Variants in SNX29 observed in about 807,000 individuals in gnomAD.
SNX29 encodes sorting nexin 29, also known as sorting nexin-29.
SNX29 carries 78 observed loss-of-function variants against 102.1 expected under a neutral mutation model. The ratio of observed to expected loss-of-function variants is 0.76; its 90% CI spans 0.64 to 0.92. The LOEUF is 0.92. SNX29 is among the 40% of genes least tolerant of loss of function. SNX29 has a pLI of 0.00. For missense variants in SNX29, 1,280 were observed against 1,061.7 expected (o/e 1.21, Z -2.86); for synonymous variants, 580 against 414.5 (o/e 1.40, Z -4.85).
intron 13 of SNX29, among the ~76,000 whole-genome samples, chr16:12,155,598 G>A (rs761830417): frequency 3.3e-5 from 5 of 152,148 alleles, no homozygotes; most frequent in Admixed American, 6.5e-5. Context: ...ATGAGAGGCC[G>A]CTTTTCTATG....
At chr16:12,233,484 A>T (rs2077832288) in intron 14 of SNX29, among the ~76,000 whole-genome samples, 1 of 152,192 alleles carries the variant, frequency 6.6e-6, no homozygotes, top group African/African-American at 2.4e-5. Flanking sequence ...CCAGTTGGAT[A>T]CTATGCTTAC....
At chr16:12,540,156 A>G (rs576378266) in intron 20 of SNX29, among the ~76,000 whole-genome samples, 1 of 152,298 alleles carries the variant, frequency 6.6e-6, no homozygotes, top group Non-Finnish European at 1.5e-5. Flanking sequence ...TTTACATTTT[A>G]GATCTGCGAT....
chr16:12,181,189 C>G (rs1332149386), intron 13 of SNX29, among the ~76,000 whole-genome samples: 1 of 152,184 alleles, frequency 6.6e-6, no homozygotes, highest in Non-Finnish European at 1.5e-5. Flanking sequence ...CCCCGAATAT[C>G]TGAGACAGGC....
intron 13 of SNX29, among the ~76,000 whole-genome samples, chr16:12,198,020 G>C (rs1389911860): frequency 6.6e-6 from 1 of 152,184 alleles, no homozygotes; most frequent in African/African-American, 2.4e-5. Flanking sequence ...ATCTATAGTA[G>C]TGGGTGGTAT....
At chr16:12,314,608 A>G (rs997063526) in intron 15 of SNX29, among the ~76,000 whole-genome samples, 2 of 152,252 alleles carry the variant, frequency 1.3e-5, no homozygotes, top group Non-Finnish European at 2.9e-5. Flanking sequence ...ATACCACTTA[A>G]GTCTTTATTT....
intron 15 of SNX29, among the ~76,000 whole-genome samples, chr16:12,287,898 T>G (rs571912181): frequency 6.6e-6 from 1 of 152,302 alleles, no homozygotes; most frequent in South Asian, 2.1e-4. Context: ...CCTACCAGTG[T>G]TTTTTGAGGG....
intron 19 of SNX29, among the ~76,000 whole-genome samples, chr16:12,508,659 G>A (rs1335825489): frequency 6.6e-6 from 1 of 152,192 alleles, no homozygotes; most frequent in South Asian, 2.1e-4. Flanking sequence ...CAACGTTCCT[G>A]GTGCCCTCTG....
intron 16 of SNX29, among the ~76,000 whole-genome samples, chr16:12,377,633 G>T (rs1430389051): frequency 2.6e-5 from 4 of 152,180 alleles, no homozygotes; most frequent in African/African-American, 9.7e-5. Context: ...CGCCCGGTAC[G>T]TAGTAGGCAA....
rs71139578 is a variant in SNX29 at position 12,130,474 on chromosome 16, C to CAAA, written c.1595+738_1595+740dup. On this transcript the variant is annotated intron_variant, in intron 13 of 20. Coordinates refer to ENST00000566228, the MANE Select transcript of SNX29 (RefSeq NM_032167.5). ...TGGGCGACAGAGCGAGACTCCGTCT[C>CAAA]AAAAAAAAAAAAAAAAAAAAAAAAG... Among the ~76,000 whole-genome samples the CAAA allele has an allele frequency of 6.8e-3, 378 of 55,720 alleles. 21 individuals are homozygous for CAAA. Among genetic ancestry groups the CAAA allele is most frequent in the Admixed American group, 0.034 (138 of 4,088 alleles). 36.6% of individuals were successfully genotyped at this position (55,720 alleles called of 152,430 possible).
chr16:12,315,470 A>G (rs2080702433), intron 15 of SNX29, among the ~76,000 whole-genome samples: 1 of 152,182 alleles, frequency 6.6e-6, no homozygotes, highest in Non-Finnish European at 1.5e-5. Flanking sequence ...TGTTGCCCCC[A>G]TCATTTACAT....
At chr16:12,478,032 G>A (rs1295362884) in intron 19 of SNX29, among the ~76,000 whole-genome samples, 173 bp downstream of exon 19, 5 of 152,224 alleles carry the variant, frequency 3.3e-5, no homozygotes, top group Non-Finnish European at 5.9e-5. Flanking sequence ...ACCTAAAGAT[G>A]GTCACCATTA....
rs1167202343 is a variant in SNX29, at chr16:12,568,512, C to A, written c.2325C>A (p.Ile775=). The A allele has an allele frequency of 6.2e-7, 1 of 1,609,892 alleles. No individual in the cohort carries two copies. The highest frequency in any genetic ancestry group is 1.1e-5 in the South Asian group (1 of 91,080). Residue 775 remains isoleucine (I), a synonymous_variant, in exon 21 of 21, where the codon ATC becomes ATA. Transcript: ENST00000566228. ...TCTCTCCCTGCTCTTTCAGCGACAT[C>A]ACCCCGCCCGGAGAGCCTGTGAACA... ...LIQLMPFFVD[I]TPPGEPVNSR...
chr16:12,459,179 C>T (rs1382260833), intron 18 of SNX29, among the ~76,000 whole-genome samples: 22 of 143,154 alleles, frequency 1.5e-4, no homozygotes, highest in Non-Finnish European at 2.4e-4. Context: ...TATCCTCCTA[C>T]CCGCCTTTTC....
intron 19 of SNX29, among the ~76,000 whole-genome samples, chr16:12,500,926 T>A (rs1262506089): frequency 1.3e-5 from 2 of 152,188 alleles, no homozygotes; most frequent in African/African-American, 4.8e-5. Flanking sequence ...CACCTGTTGC[T>A]CACTTGTCAG....
intron 18 of SNX29, among the ~76,000 whole-genome samples, chr16:12,415,083 G>A (rs1369294427): frequency 6.6e-6 from 1 of 152,214 alleles, no homozygotes; most frequent in African/African-American, 2.4e-5. Context: ...CTCCATGGCA[G>A]GCCCCAGAAC....
In SNX29 at chr16:12,511,449, G is replaced by C. The variant is rs575580350; in HGVS notation, c.2179-13253G>C. Among the ~76,000 whole-genome samples the C allele has an allele frequency of 2.4e-4, 36 of 152,278 alleles. 1 individual carries two copies. The South Asian group carries it at 6.4e-3, about 27-fold the overall frequency. ...ATAATGGAAGCAAACACTCCACATC[G>C]TGCTTGGCATGTAGGAATCTGGTGA... is the stretch of plus-strand genomic sequence containing the variant. On this transcript the variant is annotated intron_variant, in intron 19 of 20. Transcript: ENST00000566228.
At position 12,109,109 on chromosome 16, in the gene SNX29, T is replaced by C. The variant is rs540280229; in HGVS notation, c.1403-17524T>C. On this transcript the variant is annotated intron_variant, in intron 11 of 20. Coordinates refer to ENST00000566228, the MANE Select transcript of SNX29 (RefSeq NM_032167.5). ...TGCCATTGCACTCCAGCCTGGGCAA[T>C]AGAGTGAGGCGCTGTCTCAAAAAAA... is the stretch of plus-strand genomic sequence containing the variant. Among the ~76,000 whole-genome samples, 23 of 106,126 alleles carry C rather than the reference T, an allele frequency of 2.2e-4. No homozygotes were observed. In the South Asian group the frequency reaches 2.3e-3, roughly 11 times the overall value. 69.6% of individuals were successfully genotyped at this position (106,126 alleles called of 152,430 possible).
At chr16:12,126,095 T>G (rs2054203717) in intron 11 of SNX29, among the ~76,000 whole-genome samples, 3 of 152,192 alleles carry the variant, frequency 2.0e-5, no homozygotes, top group African/African-American at 7.2e-5. Flanking sequence ...AAGGTTGAGG[T>G]ATACAGGAGC....
chr16:12,518,146 C>T (rs531873733), intron 19 of SNX29, among the ~76,000 whole-genome samples: 5 of 152,170 alleles, frequency 3.3e-5, no homozygotes, highest in Non-Finnish European at 7.3e-5. Context: ...ATTCCAACTG[C>T]AGAGGGTCGT....
Sources: allele counts gnomAD v4.1 joint callset (sites outside exome capture counted in the v4.1 genomes callset), GRCh38; gene constraint gnomAD v4.1.1; transcripts MANE v1.5; gene names NCBI Gene and HGNC (gene_info 2026-07-23, HGNC 2026-07-21).